The following CAMK1D variants were observed in gnomAD, a reference collection of about 807,000 sequenced individuals.
CAMK1D encodes calcium/calmodulin dependent protein kinase ID.
A neutral mutation model predicts 47.7 loss-of-function variants in CAMK1D; 9 were observed. The ratio of observed to expected loss-of-function variants is 0.19; its 90% CI spans 0.11 to 0.33. The LOEUF (loss-of-function observed/expected upper bound fraction) is 0.33. CAMK1D is among the 10% of genes least tolerant of loss of function. CAMK1D has a pLI of 1.00. For synonymous variants in CAMK1D, 184 were observed against 184.9 expected, an observed-to-expected ratio of 0.99 and a Z score of 0.04; for missense variants, 291 against 488.7, an observed-to-expected ratio of 0.60 and a Z score of 3.81.
chr10:12,620,555 T>C (rs1426932909), intron 2 of CAMK1D, among the ~76,000 whole-genome samples: 1 of 152,270 alleles, frequency 6.6e-6, no homozygotes, highest in Non-Finnish European at 1.5e-5. Flanking sequence ...CTACTTGCCA[T>C]GTGTTTATCT....
At chr10:12,591,363 A>G (rs1414128217) in intron 2 of CAMK1D, among the ~76,000 whole-genome samples, 1 of 152,166 alleles carries the variant, frequency 6.6e-6, no homozygotes, top group Non-Finnish European at 1.5e-5. Context: ...GAGAAGGCCA[A>G]ATATGCTCCC....
intron 2 of CAMK1D, among the ~76,000 whole-genome samples, chr10:12,566,409 G>T (rs953817626): frequency 1.3e-5 from 2 of 152,166 alleles, no homozygotes; most frequent in Admixed American, 6.5e-5. Flanking sequence ...CAACACTGCT[G>T]CAGAGTTGCC....
intron 2 of CAMK1D, among the ~76,000 whole-genome samples, chr10:12,577,413 G>C (rs532200352): frequency 6.6e-6 from 1 of 152,178 alleles, no homozygotes; most frequent in East Asian, 1.9e-4. Context: ...GATTCAGATC[G>C]TTACAGGCCC....
chr10:12,363,039 C>T (rs975759783), intron 1 of CAMK1D, among the ~76,000 whole-genome samples: 1 of 150,660 alleles, frequency 6.6e-6, no homozygotes, highest in Non-Finnish European at 1.5e-5. Context: ...CTCCCGGGTA[C>T]AAGCAATTCT....
chr10:12,386,025 C>A (rs552188413), intron 1 of CAMK1D, among the ~76,000 whole-genome samples: 2 of 152,264 alleles, frequency 1.3e-5, no homozygotes, highest in African/African-American at 4.8e-5. Flanking sequence ...GGATTACAGG[C>A]GTGAGCCACT....
At chr10:12,723,275 A>C (rs1240193589) in intron 3 of CAMK1D, among the ~76,000 whole-genome samples, 1 of 152,186 alleles carries the variant, frequency 6.6e-6, no homozygotes, top group African/African-American at 2.4e-5. Context: ...GAATTGTAGA[A>C]TTTTTGCTTT....
intron 1 of CAMK1D, among the ~76,000 whole-genome samples, chr10:12,432,867 A>G (rs916843952): frequency 3.3e-5 from 5 of 152,182 alleles, no homozygotes; most frequent in African/African-American, 1.2e-4. Context: ...ACCTGCTCCC[A>G]AGATGGTGCC....
intron 1 of CAMK1D, among the ~76,000 whole-genome samples, chr10:12,547,670 T>C (rs1214881581): frequency 1.9e-5 from 1 of 52,770 alleles, no homozygotes; most frequent in Non-Finnish European, 3.8e-5. Flanking sequence ...TCTCTCTCTC[T>C]CTTTCTCTCT....
chr10:12,449,234 G>A (rs983269117), intron 1 of CAMK1D, among the ~76,000 whole-genome samples: 6 of 152,112 alleles, frequency 3.9e-5, no homozygotes, highest in Non-Finnish European at 7.4e-5. Context: ...TGGCTTGTCT[G>A]CCATCCTCAT....
chr10:12,454,470 A>G (rs576487489), intron 1 of CAMK1D, among the ~76,000 whole-genome samples: 3 of 147,134 alleles, frequency 2.0e-5, no homozygotes, highest in South Asian at 2.2e-4. Context: ...CCGAATTTTA[A>G]TTTTTTTTTA....
chr10:12,646,741 T>C (rs540621231), intron 2 of CAMK1D, among the ~76,000 whole-genome samples: 1 of 152,262 alleles, frequency 6.6e-6, no homozygotes, highest in East Asian at 1.9e-4. Flanking sequence ...AGAAAAGAAA[T>C]AGCAGAATCC....
intron 2 of CAMK1D, among the ~76,000 whole-genome samples, chr10:12,638,124 C>A (rs776787759): frequency 9.9e-5 from 15 of 152,110 alleles, no homozygotes; most frequent in Non-Finnish European, 1.9e-4. Context: ...CCTCTCTCCA[C>A]CCCAGTAACA....
intron 2 of CAMK1D, among the ~76,000 whole-genome samples, chr10:12,563,361 A>C (rs1461255893): frequency 6.6e-6 from 1 of 152,196 alleles, no homozygotes; most frequent in Non-Finnish European, 1.5e-5. Context: ...CTCTAAAAAA[A>C]AAGGGAAGAA....
chr10:12,766,699 C>G (rs1836780693), intron 4 of CAMK1D, among the ~76,000 whole-genome samples: 1 of 152,104 alleles, frequency 6.6e-6, no homozygotes, highest in Non-Finnish European at 1.5e-5. Flanking sequence ...CCTGTATCAC[C>G]CCAATCTCAA....
intron 1 of CAMK1D, among the ~76,000 whole-genome samples, chr10:12,421,928 C>A (rs532087208): frequency 2.0e-5 from 3 of 150,240 alleles, no homozygotes; most frequent in Admixed American, 6.6e-5. Flanking sequence ...GCGATTATCC[C>A]GCCTCAGCCT....
chr10:12,680,653 T>A (rs1840961318), intron 3 of CAMK1D, among the ~76,000 whole-genome samples: 1 of 152,036 alleles, frequency 6.6e-6, no homozygotes, highest in Non-Finnish European at 1.5e-5. Context: ...TGAAATTTGA[T>A]GTTTCCCACG....
At chr10:12,524,218 G>T (rs763035213) in intron 1 of CAMK1D, among the ~76,000 whole-genome samples, 5 of 151,300 alleles carry the variant, frequency 3.3e-5, no homozygotes, top group Non-Finnish European at 7.4e-5. Context: ...GCCCATCTCA[G>T]CCTCCCAAAG....
chr10:12,675,030 CA>C (rs771350871), intron 3 of CAMK1D, among the ~76,000 whole-genome samples: 1,486 of 53,222 alleles, frequency 0.028, 14 homozygotes, highest in South Asian at 0.11. Context: ...GACTCCATCT[CA>C]AAAAAAAAAA....
chr10:12,490,709 G>T (rs1834357244), intron 1 of CAMK1D, among the ~76,000 whole-genome samples: 1 of 152,182 alleles, frequency 6.6e-6, no homozygotes. Flanking sequence ...GCCAGGTGTG[G>T]TGGCACATGC....
Sources: gnomAD v4.1 joint callset for allele counts (sites outside exome capture counted in the v4.1 genomes callset) on GRCh38, gnomAD v4.1.1 for gene constraint, MANE v1.5 for transcripts, NCBI Gene and HGNC (gene_info 2026-07-23, HGNC 2026-07-21) for gene names.